MSRB3: variants seen among roughly 807,000 people sequenced by gnomAD.
MSRB3 encodes the protein methionine sulfoxide reductase B3.
Under a neutral mutation model 21.0 loss-of-function variants are expected in MSRB3, and 13 were observed. The ratio of observed to expected loss-of-function variants is 0.62; its 90% CI spans 0.40 to 0.98. The LOEUF is 0.98. Ranked by LOEUF, MSRB3 falls within the 50% of genes least tolerant of loss-of-function variation. MSRB3 has a pLI of 0.00. For synonymous variants in MSRB3, 87 were observed against 88.6 expected, an observed-to-expected ratio of 0.98 and a Z score of 0.10; for missense variants, 199 against 230.3, an observed-to-expected ratio of 0.86 and a Z score of 0.88.
chr12:65,447,916 AAT>A (rs1882693657), intron 5 of MSRB3, among the ~76,000 whole-genome samples: 1 of 152,240 alleles, frequency 6.6e-6, no homozygotes, highest in African/African-American at 2.4e-5. Flanking sequence ...ACAGTTGTGT[AAT>A]AAAGTCATAA....
intron 1 of MSRB3, chr12:65,284,715 A>C (rs1872238926): frequency 1.3e-5 from 2 of 152,252 alleles, no homozygotes; most frequent in South Asian, 4.1e-4. Context: ...GAAAAGCATC[A>C]TAGAGAAGAG....
At chr12:65,401,741 C>G (rs1880137288) in intron 5 of MSRB3, among the ~76,000 whole-genome samples, 1 of 152,160 alleles carries the variant, frequency 6.6e-6, no homozygotes, top group Admixed American at 6.5e-5. Flanking sequence ...TTTGCAGTGG[C>G]TGGTACCGGT....
intron 1 of MSRB3, among the ~76,000 whole-genome samples, chr12:65,292,677 C>T (rs1176999273): frequency 6.6e-6 from 1 of 151,852 alleles, no homozygotes; most frequent in East Asian, 2.0e-4. Context: ...CCACATCTAC[C>T]GCTCAGCCCA....
chr12:65,428,438 T>C (rs1344231219), intron 5 of MSRB3, among the ~76,000 whole-genome samples: 1 of 152,148 alleles, frequency 6.6e-6, no homozygotes, highest in Non-Finnish European at 1.5e-5. Context: ...AAAGCTGATA[T>C]CTCCTACTCT....
chr12:65,428,885 C>T (rs971177139), intron 5 of MSRB3, among the ~76,000 whole-genome samples: 1 of 152,082 alleles, frequency 6.6e-6, no homozygotes, highest in African/African-American at 2.4e-5. Context: ...TTGGAATATC[C>T]TTTTTTTCCC....
chr12:65,407,953 C>T lies in MSRB3; in HGVS notation c.292+38927C>T, dbSNP rs931393912. On this transcript the variant is annotated intron_variant, in intron 5 of 6. Transcript: ENST00000308259. ...CTTACATTATCATCTGTTCTTGCAA[C>T]GTTGCTTTTTTTTTTTCCATTAGAG... Among the ~76,000 whole-genome samples, 85 of 148,824 alleles carry T rather than the reference C, an allele frequency of 5.7e-4. 1 individual carries two copies. The highest frequency in any genetic ancestry group is 5.5e-3 in the Admixed American group (82 of 14,938).
rs80329352 is a variant in MSRB3, at chr12:65,409,852, C to A, written c.292+40826C>A. On this transcript the variant is annotated intron_variant, in intron 5 of 6. Coordinates refer to ENST00000308259, the MANE Select transcript of MSRB3 (RefSeq NM_001031679.3). ...ATTCTGATTTTTAAGAAACAGAATG[C>A]TTAGAATCAGAACAGGAGTGGTAAT... 5.6e-4 allele frequency among the ~76,000 whole-genome samples: 86 copies of A among 152,232 alleles called. 1 individual carries two copies. In the East Asian group the frequency reaches 0.014, roughly 26 times the overall value.
intron 4 of MSRB3, among the ~76,000 whole-genome samples, chr12:65,346,571 C>G (rs1049549870): frequency 1.3e-5 from 2 of 152,094 alleles, no homozygotes; most frequent in Non-Finnish European, 2.9e-5. Flanking sequence ...TTTTGCTGTG[C>G]AGAAGCTCTT....
At chr12:65,449,173 C>T (rs892753923) in intron 5 of MSRB3, among the ~76,000 whole-genome samples, 1 of 151,070 alleles carries the variant, frequency 6.6e-6, no homozygotes, top group East Asian at 2.0e-4. Context: ...GGACTACAGG[C>T]AGCCCCCACC....
intron 4 of MSRB3, among the ~76,000 whole-genome samples, chr12:65,353,537 A>T (rs1177555836): frequency 6.6e-6 from 1 of 152,138 alleles, no homozygotes. Flanking sequence ...ATCAGAGACT[A>T]GGATTGCAAC....
chr12:65,451,517 T>C (rs1882856667), intron 5 of MSRB3, among the ~76,000 whole-genome samples: 1 of 152,150 alleles, frequency 6.6e-6, no homozygotes, highest in African/African-American at 2.4e-5. Flanking sequence ...AATATTCATA[T>C]CCTAGTTTTG....
intron 5 of MSRB3, among the ~76,000 whole-genome samples, chr12:65,421,441 T>G (rs756589900): frequency 2.0e-5 from 3 of 152,240 alleles, no homozygotes; most frequent in Admixed American, 2.0e-4. Flanking sequence ...ATAGTTTCTT[T>G]TGCTGTGCAG....
intron 4 of MSRB3, among the ~76,000 whole-genome samples, chr12:65,353,015 C>T (rs1226505460): frequency 6.6e-6 from 1 of 151,724 alleles, no homozygotes; most frequent in Non-Finnish European, 1.5e-5. Context: ...CAAGGCAATC[C>T]TAAGCCAAAA....
chr12:65,379,255 G>GCATCTATATA (rs1450545694), intron 5 of MSRB3, among the ~76,000 whole-genome samples: 2 of 151,908 alleles, frequency 1.3e-5, no homozygotes, highest in African/African-American at 4.8e-5. Flanking sequence ...CTATATAAAA[G>GCATCTATATA]ATAGCCTTGC....
chr12:65,463,062 A>C, intron 6 of MSRB3, 93 bp from the exon 7 acceptor site: 2 of 1,429,790 alleles, frequency 1.4e-6, no homozygotes, highest in Non-Finnish European at 2.0e-6. Context: ...ATTTCTCTAC[A>C]GGCTGGTCAT....
At chr12:65,381,214 C>A (rs998798244) in intron 5 of MSRB3, among the ~76,000 whole-genome samples, 1 of 152,098 alleles carries the variant, frequency 6.6e-6, no homozygotes, top group Non-Finnish European at 1.5e-5. Context: ...TTATTTTTAA[C>A]ATAGATCAAA....
intron 4 of MSRB3, among the ~76,000 whole-genome samples, chr12:65,345,836 GT>G (rs1423909324): frequency 6.6e-6 from 1 of 151,920 alleles, no homozygotes; most frequent in Non-Finnish European, 1.5e-5. Flanking sequence ...GTGGTGTTTG[GT>G]TTTTTTGTCC....
rs148643072 is a variant in MSRB3, at chr12:65,406,807, G to A, written c.292+37781G>A. Reference sequence around the variant, plus strand: ...GTCATTTAGGAAGCTCTGCCTTCAAGTGTAGGATTAATGCCTTATACAAGA... The same window carrying A: ...GTCATTTAGGAAGCTCTGCCTTCAAATGTAGGATTAATGCCTTATACAAGA... On this transcript the variant is annotated intron_variant, in intron 5 of 6. Transcript: ENST00000308259. 4.2e-3 allele frequency among the ~76,000 whole-genome samples: 639 copies of A among 152,268 alleles called. 7 individuals are homozygous for A. Among genetic ancestry groups the A allele is most frequent in the African/African-American group, 0.014 (595 of 41,552 alleles).
chr12:65,311,577 A>T (rs1873989143), intron 2 of MSRB3, among the ~76,000 whole-genome samples: 1 of 152,092 alleles, frequency 6.6e-6, no homozygotes, highest in South Asian at 2.1e-4. Flanking sequence ...TTGAAATGGG[A>T]ATTCTAGTCC....
Sources: allele counts gnomAD v4.1 joint callset (sites outside exome capture counted in the v4.1 genomes callset), GRCh38; gene constraint gnomAD v4.1.1; transcripts MANE v1.5; gene names NCBI Gene and HGNC (gene_info 2026-07-23, HGNC 2026-07-21).